Variants in INF2 observed in about 807,000 individuals in gnomAD.
The protein encoded by INF2 is inverted formin-2.
Under a neutral mutation model 123.5 loss-of-function variants are expected in INF2, and 43 were observed. The ratio of observed to expected loss-of-function variants is 0.35; its 90% CI spans 0.27 to 0.45. The LOEUF is 0.45. Ranked by LOEUF, INF2 falls within the 20% of genes least tolerant of loss-of-function variation. The probability of loss-of-function intolerance (pLI) is 1.00; values close to 1 mark genes in which losing one functional copy is unlikely to be tolerated. For synonymous variants in INF2, 851 were observed against 745.0 expected (o/e 1.14, Z -2.32); for missense variants, 1,453 against 1,682.7 (o/e 0.86, Z 2.39).
chr14:104,697,892 G>GC (rs1406564176), intron 1 of INF2, among the ~76,000 whole-genome samples: 1 of 151,722 alleles, frequency 6.6e-6, no homozygotes, highest in African/African-American at 2.4e-5. Context: ...ACTGCCGGGG[G>GC]GGGTGGATGG....
chr14:104,710,451 G>A (rs549874638), intron 13 of INF2, among the ~76,000 whole-genome samples: 9 of 147,176 alleles, frequency 6.1e-5, no homozygotes, highest in African/African-American at 1.7e-4. Flanking sequence ...TCCGGCACGC[G>A]CACACACAAG....
intron 22 of INF2, 71 bp downstream of exon 22, chr14:104,715,411 C>A: frequency 7.2e-7 from 1 of 1,391,196 alleles, no homozygotes; most frequent in Non-Finnish European, 1.0e-6. Context: ...GCTTGCTGCC[C>A]ACACCCCTCC....
At chr14:104,697,721 C>T (rs1889256985) in intron 1 of INF2, among the ~76,000 whole-genome samples, 1 of 152,260 alleles carries the variant, frequency 6.6e-6, no homozygotes, top group Non-Finnish European at 1.5e-5. Context: ...AGGGGAGAGG[C>T]ATGGCCCCGT....
intron 22 of INF2, chr14:104,715,625 C>G (rs754096918): frequency 1.7e-6 from 1 of 590,480 alleles, no homozygotes; most frequent in East Asian, 2.9e-5. Flanking sequence ...CAGGGCCAGC[C>G]GGACTCCCTT....
chr14:104,693,536 C>G (rs1889053824), intron 1 of INF2, among the ~76,000 whole-genome samples: 1 of 152,192 alleles, frequency 6.6e-6, no homozygotes, highest in Admixed American at 6.5e-5. Context: ...GCACACCAGC[C>G]CCGGGTAGTG....
intron 1 of INF2, chr14:104,690,114 C>A (rs1239582212): frequency 6.6e-6 from 1 of 152,212 alleles, no homozygotes; most frequent in Non-Finnish European, 1.5e-5. Context: ...ACTTCAACTT[C>A]GGGTCCGCCG....
upstream of INF2, among the ~76,000 whole-genome samples, chr14:104,687,475 CACAT>C (rs1372656605): frequency 3.9e-4 from 57 of 145,356 alleles, 1 homozygote; most frequent in Middle Eastern, 0.01. This position sits in a 1 kb window ranked among gnomAD's most constrained non-coding sequence, Gnocchi z 5.6. Flanking sequence ...CACACACACA[CACAT>C]ACACACACAC....
intron 1 of INF2, among the ~76,000 whole-genome samples, chr14:104,683,359 G>C (rs1566767906): frequency 6.6e-6 from 1 of 152,218 alleles, no homozygotes; most frequent in Non-Finnish European, 1.5e-5. Flanking sequence ...TCCACTCCAA[G>C]AGCCTAGCTC....
chr14:104,720,968 T>C lies in INF2; in HGVS notation c.*2175T>C, dbSNP rs1463798648. Reference sequence around the variant, plus strand: ...TGTGGACGTCTGCGTCGTCCTCGTGTGGATGCTGCTGTGGACGTCTGCGTC... The same window carrying C: ...TGTGGACGTCTGCGTCGTCCTCGTGCGGATGCTGCTGTGGACGTCTGCGTC... On this transcript the variant is annotated 3_prime_UTR_variant, in exon 23 of 23. Transcript: ENST00000392634. The C allele has an allele frequency of 1.6e-5, 1 of 60,948 alleles. No individual in the cohort carries two copies. The highest frequency in any genetic ancestry group is 2.9e-5 in the Non-Finnish European group (1 of 34,254). The allele number at this position is 60,948 out of a possible 1,614,324, so 3.8% of individuals were successfully genotyped here.
rs779803037 is a variant in INF2 at position 104,713,254 on chromosome 14, G to A, written c.2823G>A (p.Lys941=). 1.3e-6 allele frequency: 2 copies of A among 1,551,708 alleles called. No individual in the cohort carries two copies. Among genetic ancestry groups the A allele is most frequent in the African/African-American group, 1.4e-5 (1 of 73,224 alleles). The part of the protein sequence containing the change: ...KEQAAKAERR[K]QQLAEEEARR... Reference sequence around the variant, plus strand: ...AGGCGGCGAAGGCAGAGAGGAGGAAGCAGCAGCTGGCGGAGGAGGAGGCGC... The same window carrying A: ...AGGCGGCGAAGGCAGAGAGGAGGAAACAGCAGCTGGCGGAGGAGGAGGCGC... The change falls in exon 19 of 23, where the codon AAG becomes AAA. Residue 941 remains lysine (K), a synonymous_variant. Transcript: ENST00000392634.
intron 11 of INF2, 89 bp from the exon 12 acceptor site, chr14:104,709,530 TG>T: frequency 7.5e-7 from 1 of 1,334,958 alleles, no homozygotes; most frequent in Non-Finnish European, 1.1e-6. Flanking sequence ...GGAGCCATGA[TG>T]GGCACTGGAG....
intron 13 of INF2, 94 bp downstream of exon 13, chr14:104,710,282 A>G (rs773513677): frequency 1.7e-4 from 143 of 863,730 alleles, no homozygotes; most frequent in Non-Finnish European, 2.5e-4. Context: ...TGCCAGTATC[A>G]TAATGGCTGC....
chr14:104,692,977 G>A (rs930701874), intron 1 of INF2, among the ~76,000 whole-genome samples: 11 of 152,230 alleles, frequency 7.2e-5, no homozygotes, highest in Admixed American at 1.3e-4. Flanking sequence ...GTGACTGGCC[G>A]TGGCTGGGGC....
intron 1 of INF2, among the ~76,000 whole-genome samples, chr14:104,693,656 C>T (rs1186366953): frequency 6.6e-6 from 1 of 152,244 alleles, no homozygotes; most frequent in African/African-American, 2.4e-5. Flanking sequence ...CATGGAGTCC[C>T]AGTGGGCATG....
intron 22 of INF2, among the ~76,000 whole-genome samples, chr14:104,717,293 A>C (rs1890346233): frequency 1.3e-5 from 1 of 79,804 alleles, no homozygotes; most frequent in Non-Finnish European, 2.4e-5. Context: ...CCGTCCTCCC[A>C]GTCCCCCCCC....
chr14:104,701,775 GGGCCGCCCA>G lies in INF2; in HGVS notation c.391+23_391+31del, dbSNP rs1889517537. 3.4e-6 allele frequency: 5 copies of G among 1,471,130 alleles called. No homozygotes were observed. The highest frequency in any genetic ancestry group is 4.5e-6 in the Non-Finnish European group (5 of 1,112,308). The allele number at this position is 1,471,130 out of a possible 1,614,324, so 91.1% of individuals were successfully genotyped here. A position where few individuals can be genotyped will look rare whatever the true frequency, so the allele number is the denominator to read the frequency against. ...TCCCAGGGTGAGCCGCAGTGTGGGAGGGCCGCCCAGGCGGACGCTGGGGACCTGGTATGA... is the reference window on the plus strand; with the variant it reads ...TCCCAGGGTGAGCCGCAGTGTGGGAGGGCGGACGCTGGGGACCTGGTATGA... On this transcript the variant is annotated intron_variant, in intron 2 of 22. Transcript: ENST00000392634.
At chr14:104,700,201 G>GT (rs745583485) in intron 1 of INF2, among the ~76,000 whole-genome samples, 3 of 152,226 alleles carry the variant, frequency 2.0e-5, no homozygotes, top group Non-Finnish European at 4.4e-5. Flanking sequence ...GCAAAGCCAT[G>GT]TGGGACCTCC....
Position 104,684,382 on chromosome 14 carries a change from G to A in INF2, c.-104+2800G>A, listed in dbSNP as rs527461894. 3.8e-4 allele frequency: 114 copies of A among 298,450 alleles called. No homozygotes were observed. The highest frequency in any genetic ancestry group is 5.9e-4 in the Non-Finnish European group (89 of 150,780). The allele number at this position is 298,450 out of a possible 1,614,324, so 18.5% of individuals were successfully genotyped here. A position where few individuals can be genotyped will look rare whatever the true frequency, so the allele number is the denominator to read the frequency against. On this transcript the variant is annotated intron_variant, in intron 1 of 2. Transcript: ENST00000674723. The surrounding 1 kb of genome is among the most constrained non-coding windows in gnomAD (Gnocchi z 5.0). ...CGGCCTCTGCACCTCAGCTTTCAGC[G>A]GATAGGTTTGTGCAACGAAATATTT...
chr14:104,709,995 C>A, intron 12 of INF2, 93 bp from the exon 13 acceptor site: 1 of 1,145,138 alleles, frequency 8.7e-7, no homozygotes, highest in Non-Finnish European at 1.3e-6. Flanking sequence ...CTCCCTTTGC[C>A]CACCACCCAA....
Sources: allele counts gnomAD v4.1 joint callset (sites outside exome capture counted in the v4.1 genomes callset), GRCh38; gene constraint gnomAD v4.1.1; non-coding constraint Gnocchi (gnomAD v3.1); transcripts MANE v1.5; gene names NCBI Gene and HGNC (gene_info 2026-07-23, HGNC 2026-07-21).